Variants in GSTT4 observed in about 807,000 individuals in gnomAD.
GSTT4 encodes glutathione S-transferase theta-4.
the GSTT4 span, chr22:23,991,417 G>GCAGGTCCAGTTACAGCTC: frequency 1.4e-5 from 1 of 70,848 alleles, no homozygotes; most frequent in African/African-American, 5.5e-5. Context: ...GGCTGGGACA[G>GCAGGTCCAGTTACAGCTC]CAGACCCATG....
chr22:23,993,767 C>A (rs1273307900), downstream of GSTT4, among the ~76,000 whole-genome samples: 1 of 152,116 alleles, frequency 6.6e-6, no homozygotes. Flanking sequence ...AGAAGCCAAT[C>A]AGCTCATTGG....
downstream of GSTT4, among the ~76,000 whole-genome samples, chr22:23,996,362 T>C (rs2034115004): frequency 6.6e-6 from 1 of 152,202 alleles, no homozygotes; most frequent in South Asian, 2.1e-4. Flanking sequence ...TGTTCCTTTT[T>C]CTTGCCTAAT....
downstream of GSTT4, chr22:23,998,254 A>C (rs926732148): frequency 1.7e-4 from 15 of 87,884 alleles, no homozygotes; most frequent in African/African-American, 5.9e-4. Context: ...TGGGGTATTG[A>C]AGTCACCAAC....
chr22:23,993,468 CAG>C (rs1161280973), downstream of GSTT4, among the ~76,000 whole-genome samples: 1 of 151,994 alleles, frequency 6.6e-6, no homozygotes, highest in Non-Finnish European at 1.5e-5. Flanking sequence ...CTGAATCAGA[CAG>C]AGTTTATTTT....
the GSTT4 span, among the ~76,000 whole-genome samples, chr22:23,992,894 C>T: frequency 1.3e-5 from 2 of 151,868 alleles, no homozygotes; most frequent in Non-Finnish European, 2.9e-5. Flanking sequence ...TCTGCCTTAC[C>T]CTCCCATGTA....
In GSTT4 at chr22:23,998,464, T is replaced by TG. The variant is rs1569037792; in HGVS notation, c.*77_*78insC. Reference sequence around the variant, plus strand: ...TGTTTTTTTGTTTTTTTGTTTTTTTTTTTTTAACATTTCCTTTAAGGAAGG... The same window carrying TG: ...TGTTTTTTTGTTTTTTTGTTTTTTTTGTTTTTAACATTTCCTTTAAGGAAGG... On this transcript the variant is annotated 3_prime_UTR_variant, in exon 5 of 5. Transcript: ENST00000621179. 2 of 59,664 alleles carry TG rather than the reference T, an allele frequency of 3.4e-5. 1 individual carries two copies. Among genetic ancestry groups the TG allele is most frequent in the African/African-American group, 1.1e-4 (2 of 18,316 alleles). 3.7% of individuals were successfully genotyped at this position (59,664 alleles called of 1,614,324 possible). A position where few individuals can be genotyped will look rare whatever the true frequency, so the allele number is the denominator to read the frequency against.
intron 4 of GSTT4, 40 bp downstream of exon 4, chr22:24,000,035 C>A (rs2034191167): frequency 1.3e-5 from 2 of 155,362 alleles, no homozygotes; most frequent in African/African-American, 4.8e-5. Context: ...GGAGTCCTAC[C>A]TCTGCCCAGG....
At chr22:23,998,787 C>A (rs1184907359) in intron 4 of GSTT4, 48 bp from the exon 5 acceptor site, 42 of 154,930 alleles carry the variant, frequency 2.7e-4, no homozygotes, top group African/African-American at 9.9e-4. Flanking sequence ...GGACCAGCCC[C>A]ACCTGGGTCC....
chr22:23,990,027 C>T, the GSTT4 span, among the ~76,000 whole-genome samples: 1 of 149,910 alleles, frequency 6.7e-6, no homozygotes, highest in Non-Finnish European at 1.5e-5. Flanking sequence ...GGTCCTCCCT[C>T]TGGCCTGCCC....
chr22:23,993,292 G>C, the GSTT4 span, among the ~76,000 whole-genome samples: 54 of 152,242 alleles, frequency 3.5e-4, no homozygotes, highest in South Asian at 8.3e-4. Context: ...CAAAGTTCTA[G>C]CCTCAAGAGA....
At chr22:24,002,260 G>A (rs1235819815) in intron 2 of GSTT4, among the ~76,000 whole-genome samples, 13 of 152,376 alleles carry the variant, frequency 8.5e-5, no homozygotes, top group African/African-American at 3.1e-4. Flanking sequence ...GAGCCCGAGG[G>A]GGCAGAATGG....
At chr22:23,992,020 T>A in the GSTT4 span, among the ~76,000 whole-genome samples, 3 of 123,392 alleles carry the variant, frequency 2.4e-5, no homozygotes, top group Admixed American at 3.2e-4. Flanking sequence ...GCCACTGCAC[T>A]CCAGCCTGGG....
intron 4 of GSTT4, among the ~76,000 whole-genome samples, chr22:23,999,250 G>C (rs1438279873): frequency 6.7e-6 from 1 of 149,904 alleles, no homozygotes; most frequent in Non-Finnish European, 1.5e-5. Context: ...GAATGGGTGT[G>C]TGTGGGTGAA....
chr22:23,995,141 G>T (rs12158430), downstream of GSTT4, among the ~76,000 whole-genome samples: 37,632 of 141,148 alleles, frequency 0.27, 5,893 homozygotes, highest in African/African-American at 0.49. Context: ...TTGTTTGTTT[G>T]TTTTTTTTTT....
chr22:23,997,943 G>T (rs529791189), downstream of GSTT4, among the ~76,000 whole-genome samples: 1 of 152,322 alleles, frequency 6.6e-6, no homozygotes, highest in African/African-American at 2.4e-5. Flanking sequence ...TTAAGAGTGT[G>T]CTGTTTAATT....
the GSTT4 span, among the ~76,000 whole-genome samples, chr22:23,992,517 G>C: frequency 0.15 from 19,453 of 125,996 alleles, 44 homozygotes; most frequent in Admixed American, 0.19. Flanking sequence ...GATGTGAATA[G>C]CAGTGTCGGC....
At chr22:23,989,773 T>G in the GSTT4 span, among the ~76,000 whole-genome samples, 1 of 148,066 alleles carries the variant, frequency 6.8e-6, no homozygotes, top group East Asian at 2.0e-4. Flanking sequence ...CACTTTAGCA[T>G]TCTAGGCCAG....
At chr22:24,000,040 C>T (rs539968962) in intron 4 of GSTT4, 35 bp downstream of exon 4, 2,015 of 155,028 alleles carry the variant, frequency 0.013, 2 homozygotes, top group African/African-American at 0.043. Context: ...CCTACCTCTG[C>T]CCAGGGTCTA....
In GSTT4 at chr22:24,003,210, A is replaced by C. The variant is rs1179566281; in HGVS notation, c.200+550T>G. ...TTCCTAAACATTTATTGATTTATTTACTTATTTATTTTTATTTTTGAGATG... is the reference window on the plus strand; with the variant it reads ...TTCCTAAACATTTATTGATTTATTTCCTTATTTATTTTTATTTTTGAGATG... On this transcript the variant is annotated intron_variant, in intron 2 of 4. Coordinates refer to ENST00000621179, the MANE Select transcript of GSTT4 (RefSeq NM_001358664.2). 3.3e-5 allele frequency among the ~76,000 whole-genome samples: 5 copies of C among 152,016 alleles called. No individual in the cohort carries two copies. The East Asian group carries it at 9.7e-4, about 29-fold the overall frequency.
Sources: allele counts gnomAD v4.1 joint callset (sites outside exome capture counted in the v4.1 genomes callset), GRCh38; gene constraint gnomAD v4.1.1; transcripts MANE v1.5; gene names NCBI Gene and HGNC (gene_info 2026-07-23, HGNC 2026-07-21).